Variants in ELAC1 observed in about 807,000 individuals in gnomAD.
The protein encoded by ELAC1 is elaC ribonuclease Z 1.
In ELAC1, 19 loss-of-function variants were observed where a neutral mutation model predicts 25.8. The observed-to-expected ratio is 0.74, with a 90% CI of 0.51 to 1.08. The LOEUF is 1.08. Ranked by LOEUF, ELAC1 falls within the 50% of genes least tolerant of loss-of-function variation. ELAC1 has a pLI of 0.00. For missense variants in ELAC1, 403 were observed against 434.6 expected (o/e 0.93, Z 0.65); for synonymous variants, 148 against 160.9 (o/e 0.92, Z 0.61).
At chr18:50,970,642 A>G (rs1380487443) in intron 1 of ELAC1, among the ~76,000 whole-genome samples, 3 of 151,732 alleles carry the variant, frequency 2.0e-5, no homozygotes, top group African/African-American at 7.3e-5. Flanking sequence ...ATGGAAGGGA[A>G]GACTAGGTAG....
chr18:50,987,106 C>T lies in ELAC1; in HGVS notation c.*21C>T. 6.8e-7 allele frequency: 1 copy of T among 1,465,106 alleles called. No individual in the cohort carries two copies. 90.8% of individuals were successfully genotyped at this position (1,465,106 alleles called of 1,614,324 possible). ...AATGAAACCAGTGTTCCTGAGTGCA[C>T]ACTGACATGTCTGTGAATATGTTAC... On this transcript the variant is annotated 3_prime_UTR_variant, in exon 4 of 4. Coordinates refer to ENST00000269466, the MANE Select transcript of ELAC1 (RefSeq NM_018696.3).
chr18:50,972,094 C>A (rs1228955891), intron 1 of ELAC1, among the ~76,000 whole-genome samples: 1 of 145,646 alleles, frequency 6.9e-6, no homozygotes, highest in East Asian at 2.0e-4. Flanking sequence ...CTTTATGAGT[C>A]TCAATATATA....
intron 3 of ELAC1, among the ~76,000 whole-genome samples, chr18:50,985,317 T>A (rs1156284005): frequency 2.0e-5 from 3 of 152,252 alleles, no homozygotes; most frequent in African/African-American, 7.2e-5. Context: ...TACTTCTGTA[T>A]CTACTTTGCT....
intron 2 of ELAC1, among the ~76,000 whole-genome samples, chr18:50,980,791 T>G (rs1453438773): frequency 1.3e-5 from 2 of 151,200 alleles, no homozygotes; most frequent in Admixed American, 1.3e-4. Flanking sequence ...AAGAAAAATT[T>G]CTGGCCGTAG....
At chr18:50,969,214 T>C (rs1258477187) in intron 1 of ELAC1, 1 of 152,280 alleles carries the variant, frequency 6.6e-6, no homozygotes, top group Non-Finnish European at 1.5e-5. Flanking sequence ...TTGGTTGATG[T>C]CTCTTAGATC....
At chr18:50,975,057 G>T (rs1015479857) in intron 2 of ELAC1, among the ~76,000 whole-genome samples, 5 of 152,264 alleles carry the variant, frequency 3.3e-5, no homozygotes, top group African/African-American at 1.2e-4. Flanking sequence ...ATTTCAATCA[G>T]GGGGAATGGA....
chr18:50,987,125 A>G lies in ELAC1; in HGVS notation c.*40A>G, dbSNP rs566368844. On this transcript the variant is annotated 3_prime_UTR_variant, in exon 4 of 4. Transcript: ENST00000269466. ...AGTGCACACTGACATGTCTGTGAAT[A>G]TGTTACTGAACCTATAGTCCAGTTT... 5.7e-6 allele frequency: 8 copies of G among 1,392,208 alleles called. No homozygotes were observed. The South Asian group carries it at 1.2e-4, about 21-fold the overall frequency. The allele number at this position is 1,392,208 out of a possible 1,614,324, so 86.2% of individuals were successfully genotyped here. A position where few individuals can be genotyped will look rare whatever the true frequency, so the allele number is the denominator to read the frequency against.
intron 2 of ELAC1, among the ~76,000 whole-genome samples, chr18:50,978,348 A>G (rs1315866071): frequency 6.6e-6 from 1 of 152,150 alleles, no homozygotes; most frequent in African/African-American, 2.4e-5. Flanking sequence ...TAAAAAAAAA[A>G]GAGGTTTAAT....
rs200761241 is a variant in ELAC1, at chr18:50,984,248, T to G, written c.310T>G (p.Trp104Gly). 26 of 1,614,170 alleles carry G rather than the reference T, an allele frequency of 1.6e-5. No homozygotes were observed. Among genetic ancestry groups the G allele is most frequent in the African/African-American group, 1.2e-4 (9 of 75,052 alleles). ...YGPVGLRDFI[W>G]RTMELSHTEL... ...CCCTGTAGGGCTTCGGGACTTTATCTGGCGAACCATGGAACTCTCTCACAC... is the reference window on the plus strand; with the variant it reads ...CCCTGTAGGGCTTCGGGACTTTATCGGGCGAACCATGGAACTCTCTCACAC... The change falls in exon 3 of 4, where the codon TGG becomes GGG. Residue 104 changes from tryptophan (W) to glycine (G), a missense_variant. Coordinates refer to ENST00000269466, the MANE Select transcript of ELAC1 (RefSeq NM_018696.3).
At chr18:50,970,597 G>C (rs532989912) in intron 1 of ELAC1, among the ~76,000 whole-genome samples, 146 of 151,922 alleles carry the variant, frequency 9.6e-4, no homozygotes, top group Non-Finnish European at 1.8e-3. Context: ...ATGAGGGTTG[G>C]GGGCAGGAAA....
In ELAC1 at chr18:50,984,317, G is replaced by A. The variant is rs1289653313; in HGVS notation, c.379G>A (p.Ala127Thr). The change falls in exon 3 of 4, where the codon GCA becomes ACA. Residue 127 changes from alanine (A) to threonine (T), a missense_variant. Transcript: ENST00000269466. ...TGTGGTTCATGAACTGGTTCCTACA[G>A]CAGATCAATGTCCTGCAGAAGAACT... ...HYVVHELVPT[A>T]DQCPAEELKE... is the part of the protein sequence containing the mutation. 3 of 1,614,060 alleles carry A rather than the reference G, an allele frequency of 1.9e-6. No homozygotes were observed. In the African/African-American group the frequency reaches 4.0e-5, roughly 22 times the overall value.
chr18:50,971,973 T>C (rs1907670798), intron 1 of ELAC1, among the ~76,000 whole-genome samples: 1 of 146,714 alleles, frequency 6.8e-6, no homozygotes, highest in Non-Finnish European at 1.5e-5. Context: ...TGCACAAGTA[T>C]TTTTGTATTT....
At chr18:50,969,692 G>GT (rs1321773007) in intron 1 of ELAC1, 1 of 152,188 alleles carries the variant, frequency 6.6e-6, no homozygotes, top group Non-Finnish European at 1.5e-5. Flanking sequence ...ACAGCACACC[G>GT]TTTGTCTTAT....
chr18:50,969,476 T>C (rs565458204), intron 1 of ELAC1: 1 of 152,362 alleles, frequency 6.6e-6, no homozygotes, highest in East Asian at 1.9e-4. Flanking sequence ...TGCCTCTCTT[T>C]GTGGACCTTT....
At chr18:50,977,492 C>G (rs771133546) in intron 2 of ELAC1, among the ~76,000 whole-genome samples, 1 of 152,228 alleles carries the variant, frequency 6.6e-6, no homozygotes, top group African/African-American at 2.4e-5. Context: ...TTAAGCCACA[C>G]TGGGATGCAG....
chr18:50,987,410 T>G lies in ELAC1; in HGVS notation c.*325T>G, dbSNP rs1366073782. ...GTCCTGGGCTTAGCTTCTGCCCAGC[T>G]TTATTGCTGCTATTGGCAAAGAGCA... is the stretch of plus-strand genomic sequence containing the variant. On this transcript the variant is annotated 3_prime_UTR_variant, in exon 4 of 4. Coordinates refer to ENST00000269466, the MANE Select transcript of ELAC1 (RefSeq NM_018696.3). The G allele has an allele frequency of 4.9e-6, 1 of 202,036 alleles. No homozygotes were observed. Among genetic ancestry groups the G allele is most frequent in the Non-Finnish European group, 9.8e-6 (1 of 101,616 alleles). The allele number at this position is 202,036 out of a possible 1,614,324, so 12.5% of individuals were successfully genotyped here.
rs1214867048 is a variant in ELAC1, at chr18:50,984,560, C to G, written c.622C>G (p.Leu208Val). 2.5e-6 allele frequency: 4 copies of G among 1,606,854 alleles called. No homozygotes were observed. The highest frequency in any genetic ancestry group is 2.5e-6 in the Non-Finnish European group (3 of 1,176,820). Residue 208 changes from leucine to valine, a missense_variant, in exon 3 of 4, where the codon CTT becomes GTT. Transcript: ENST00000269466. The part of the protein sequence containing the change: ...GKLNAQKLKD[L>V]GVPPGPAYGK... ...ACTCAATGCACAGAAACTTAAAGAC[C>G]TTGGTAAGTGTTTTTTTGTTTTTTG... is the stretch of plus-strand genomic sequence containing the variant.
chr18:50,983,363 C>G (rs1172740957), intron 2 of ELAC1, among the ~76,000 whole-genome samples: 3 of 151,750 alleles, frequency 2.0e-5, no homozygotes, highest in African/African-American at 7.3e-5. Context: ...TAGGGTTTCT[C>G]TATGTTGGTC....
Position 50,986,601 on chromosome 18 carries a change from A to G in ELAC1, c.626-18A>G, listed in dbSNP as rs1447376123. On this transcript the variant is annotated intron_variant, in intron 3 of 3. Coordinates refer to ENST00000269466, the MANE Select transcript of ELAC1 (RefSeq NM_018696.3). ...AATTCCATTCCTATGATGTAATGTT[A>G]TCTGCCTTCATCATTAGGTGTTCCA... 1.2e-5 allele frequency: 19 copies of G among 1,559,126 alleles called. No homozygotes were observed. Among genetic ancestry groups the G allele is most frequent in the Non-Finnish European group, 1.7e-5 (19 of 1,141,864 alleles).
Sources: gnomAD v4.1 joint callset for allele counts (sites outside exome capture counted in the v4.1 genomes callset) on GRCh38, gnomAD v4.1.1 for gene constraint, MANE v1.5 for transcripts, NCBI Gene and HGNC (gene_info 2026-07-23, HGNC 2026-07-21) for gene names.